The following GLT1D1 variants were observed in gnomAD, a reference collection of about 807,000 sequenced individuals.
GLT1D1 encodes the protein glycosyltransferase 1 domain-containing protein 1.
Under a neutral mutation model 28.7 loss-of-function variants are expected in GLT1D1, and 21 were observed. That is an observed-to-expected ratio of 0.73 (90% CI 0.52 to 1.05). GLT1D1 has a LOEUF of 1.05. GLT1D1 is among the 50% of genes least tolerant of loss of function. GLT1D1 has a pLI of 0.00. For missense variants in GLT1D1, 343 were observed against 330.6 expected, an observed-to-expected ratio of 1.04 and a Z score of -0.29; for synonymous variants, 147 against 124.8, an observed-to-expected ratio of 1.18 and a Z score of -1.19.
chr12:128,909,452 T>G (rs1934028278), intron 4 of GLT1D1, among the ~76,000 whole-genome samples: 1 of 152,212 alleles, frequency 6.6e-6, no homozygotes, highest in Non-Finnish European at 1.5e-5. Flanking sequence ...TTTTGCAACT[T>G]TATATGTATG....
chr12:128,884,917 A>ATT (rs35860101), intron 2 of GLT1D1, among the ~76,000 whole-genome samples: 102 of 136,176 alleles, frequency 7.5e-4, no homozygotes, highest in Middle Eastern at 7.6e-3. Flanking sequence ...AATTAGCTTG[A>ATT]TTTTTTTTTT....
chr12:128,968,231 G>A (rs1311982561), intron 7 of GLT1D1, among the ~76,000 whole-genome samples: 1 of 151,704 alleles, frequency 6.6e-6, no homozygotes, highest in East Asian at 2.0e-4. Context: ...TCCTGACCTC[G>A]TGATCCGCCT....
At chr12:128,977,295 C>T (rs189060260) in intron 7 of GLT1D1, among the ~76,000 whole-genome samples, 1 of 152,248 alleles carries the variant, frequency 6.6e-6, no homozygotes, top group African/African-American at 2.4e-5. Flanking sequence ...GCTCTGAGGA[C>T]GGTCATCAAC....
At position 128,983,414 on chromosome 12, in the gene GLT1D1, G is replaced by T. The variant is rs1003254519; in HGVS notation, c.*324G>T. The T allele has an allele frequency of 2.4e-5, 6 of 246,950 alleles. No individual in the cohort carries two copies. The highest frequency in any genetic ancestry group is 4.7e-5 in the Non-Finnish European group (6 of 126,772). 15.3% of individuals were successfully genotyped at this position (246,950 alleles called of 1,614,324 possible). A position where few individuals can be genotyped will look rare whatever the true frequency, so the allele number is the denominator to read the frequency against. ...TTACCTGCCTTAGGGCTTTGGTGTG[G>T]ACAATAGAGGCTTATTTTCAAGCAG... On this transcript the variant is annotated 3_prime_UTR_variant, in exon 8 of 8. Coordinates refer to ENST00000281703, the MANE Select transcript of GLT1D1 (RefSeq NM_144669.3). This position sits in a 1 kb window ranked among gnomAD's most constrained non-coding sequence, Gnocchi z 4.7.
chr12:128,943,457 C>T (rs1240507462), intron 4 of GLT1D1, among the ~76,000 whole-genome samples: 1 of 151,792 alleles, frequency 6.6e-6, no homozygotes. Flanking sequence ...TCCTAAAACA[C>T]ATTTCTCAAC....
chr12:128,952,470 T>TTTC lies in GLT1D1; in HGVS notation c.540+5014_540+5015insCTT, dbSNP rs1429664663. ...GGGGCTGAAAAGGGAAATTTCTTTCTTTTTTTTTTTTTTTGAGATGAAGTT... is the reference window on the plus strand; with the variant it reads ...GGGGCTGAAAAGGGAAATTTCTTTCTTTCTTTTTTTTTTTTTTGAGATGAAGTT... On this transcript the variant is annotated intron_variant, in intron 6 of 7. Transcript: ENST00000281703. Among the ~76,000 whole-genome samples the TTTC allele has an allele frequency of 1.6e-3, 138 of 83,830 alleles. 1 individual carries two copies. Among genetic ancestry groups the TTTC allele is most frequent in the African/African-American group, 4.8e-3 (97 of 20,074 alleles). The allele number at this position is 83,830 out of a possible 152,430, so 55.0% of individuals were successfully genotyped here. A position where few individuals can be genotyped will look rare whatever the true frequency, so the allele number is the denominator to read the frequency against.
intron 7 of GLT1D1, among the ~76,000 whole-genome samples, chr12:128,969,838 C>T (rs1315896916): frequency 6.6e-6 from 1 of 152,212 alleles, no homozygotes; most frequent in African/African-American, 2.4e-5. Flanking sequence ...CTCCTGGGCC[C>T]TCGCGTGGGT....
At chr12:128,897,208 A>G (rs11060001) in intron 3 of GLT1D1, among the ~76,000 whole-genome samples, 20,330 of 152,090 alleles carry the variant, frequency 0.13, 1,449 homozygotes, top group South Asian at 0.22. Context: ...TCACGTGAAC[A>G]TCCCATTTTT....
At chr12:128,879,582 A>G (rs1166239528) in intron 2 of GLT1D1, among the ~76,000 whole-genome samples, 1 of 151,734 alleles carries the variant, frequency 6.6e-6, no homozygotes, top group Non-Finnish European at 1.5e-5. Context: ...CAGCCTCCAG[A>G]ATAGCTGGGA....
intron 7 of GLT1D1, among the ~76,000 whole-genome samples, chr12:128,979,392 T>C (rs1880103133): frequency 6.6e-6 from 1 of 152,056 alleles, no homozygotes; most frequent in Non-Finnish European, 1.5e-5. Flanking sequence ...GCACGGTTGG[T>C]GGCGGGGTTC....
chr12:128,855,746 CTTTT>C (rs34715979), intron 1 of GLT1D1, among the ~76,000 whole-genome samples: 5 of 95,160 alleles, frequency 5.3e-5, no homozygotes, highest in African/African-American at 8.2e-5. Context: ...TGCTGGTTGC[CTTTT>C]TTTTTTTTTT....
rs758971476 is a variant in GLT1D1, at chr12:128,875,980, T to G, written c.135T>G (p.Ser45=). 21 of 1,613,892 alleles carry G rather than the reference T, an allele frequency of 1.3e-5. No individual in the cohort carries two copies. The highest frequency in any genetic ancestry group is 1.4e-5 in the Non-Finnish European group (17 of 1,179,776). The change falls in exon 2 of 8, where the codon TCT becomes TCG. Residue 45 remains serine (S), a synonymous_variant. Transcript: ENST00000281703. The stretch of plus-strand genomic sequence containing the variant: ...ATGCCTTTGACTTTGAAAGCCGATC[T>G]GAGATTGCAAACCTCATCTTGGCTG...
chr12:128,875,015 G>A (rs1306584610), intron 1 of GLT1D1, among the ~76,000 whole-genome samples: 5 of 151,296 alleles, frequency 3.3e-5, no homozygotes, highest in Admixed American at 6.6e-5. Context: ...AAACTAAGGT[G>A]GAGACAAAGA....
chr12:128,885,240 G>A (rs892124132), intron 2 of GLT1D1, among the ~76,000 whole-genome samples: 29 of 151,850 alleles, frequency 1.9e-4, no homozygotes, highest in African/African-American at 6.3e-4. Flanking sequence ...TTATTTTTTT[G>A]AGACAGAGTC....
intron 7 of GLT1D1, among the ~76,000 whole-genome samples, 192 bp from the exon 12 acceptor site, chr12:128,982,737 T>C (rs1880457752): frequency 6.6e-6 from 1 of 152,082 alleles, no homozygotes; most frequent in South Asian, 2.1e-4. Flanking sequence ...TGTGTGTGTG[T>C]GCATATATAT....
At chr12:128,874,111 T>G (rs1349139365) in intron 1 of GLT1D1, among the ~76,000 whole-genome samples, 1 of 63,380 alleles carries the variant, frequency 1.6e-5, no homozygotes, top group African/African-American at 6.9e-5. Flanking sequence ...TCTCTCTCTC[T>G]CTCTCTCTCT....
At chr12:128,867,164 C>A (rs201917936) in intron 1 of GLT1D1, among the ~76,000 whole-genome samples, 1 of 150,884 alleles carries the variant, frequency 6.6e-6, no homozygotes, top group East Asian at 2.0e-4. Context: ...GAGGCCGAGG[C>A]GGGCGGATCA....
intron 6 of GLT1D1, among the ~76,000 whole-genome samples, chr12:128,956,838 T>C (rs1021248567): frequency 6.6e-6 from 1 of 152,232 alleles, no homozygotes; most frequent in Non-Finnish European, 1.5e-5. Context: ...ATTGTCCCGC[T>C]GTGGTCAGTG....
At chr12:128,912,759 T>G (rs1871674143) in intron 4 of GLT1D1, among the ~76,000 whole-genome samples, 1 of 151,760 alleles carries the variant, frequency 6.6e-6, no homozygotes, top group African/African-American at 2.4e-5. Context: ...GCCTCCTGGG[T>G]TAAAGCGTTT....
Sources: gnomAD v4.1 joint callset for allele counts (sites outside exome capture counted in the v4.1 genomes callset) on GRCh38, gnomAD v4.1.1 for gene constraint, Gnocchi (gnomAD v3.1) non-coding constraint, MANE v1.5 for transcripts, NCBI Gene and HGNC (gene_info 2026-07-23, HGNC 2026-07-21) for gene names.